GPC5: variants seen among roughly 807,000 people sequenced by gnomAD.
GPC5 encodes glypican-5.
Under a neutral mutation model 53.9 loss-of-function variants are expected in GPC5, and 47 were observed. That is an observed-to-expected ratio of 0.87 (90% CI 0.69 to 1.11). The LOEUF is 1.11. Among genes scored for constraint, GPC5 ranks in the 50% most tolerant of loss-of-function variants. The pLI is 0.00. For synonymous variants in GPC5, 286 were observed against 263.3 expected, an observed-to-expected ratio of 1.09 and a Z score of -0.84; for missense variants, 748 against 713.1, an observed-to-expected ratio of 1.05 and a Z score of -0.56.
chr13:92,506,746 T>C (rs937852233), intron 7 of GPC5, among the ~76,000 whole-genome samples: 1 of 152,210 alleles, frequency 6.6e-6, no homozygotes. Context: ...TTTGGAATCT[T>C]CTACCTTTGA....
At chr13:92,420,675 CTAT>C (rs1484850422) in intron 7 of GPC5, among the ~76,000 whole-genome samples, 1 of 152,084 alleles carries the variant, frequency 6.6e-6, no homozygotes, top group Non-Finnish European at 1.5e-5. Context: ...AACCATCCTT[CTAT>C]TTTCCATCTC....
chr13:91,672,710 G>T (rs111231894), intron 2 of GPC5, among the ~76,000 whole-genome samples: 1,766 of 152,282 alleles, frequency 0.012, 41 homozygotes, highest in African/African-American at 0.039. Context: ...AATACCATTT[G>T]CCCTAGCAAT....
intron 7 of GPC5, among the ~76,000 whole-genome samples, chr13:92,566,551 A>AT (rs1342187383): frequency 6.6e-6 from 1 of 152,070 alleles, no homozygotes; most frequent in African/African-American, 2.4e-5. Flanking sequence ...AGGCTAATGG[A>AT]TTTTAAGTCA....
intron 7 of GPC5, among the ~76,000 whole-genome samples, chr13:92,450,237 T>TC (rs1485683393): frequency 6.6e-6 from 1 of 152,170 alleles, no homozygotes; most frequent in Non-Finnish European, 1.5e-5. Context: ...GAAGTACAGG[T>TC]CGAGTATCCT....
At chr13:92,208,682 T>C (rs948357714) in intron 7 of GPC5, among the ~76,000 whole-genome samples, 16 of 152,216 alleles carry the variant, frequency 1.1e-4, no homozygotes, top group Non-Finnish European at 2.2e-4. Context: ...TTCATAAAGA[T>C]GAAAGGGTCG....
intron 7 of GPC5, among the ~76,000 whole-genome samples, chr13:92,217,493 C>T (rs189574547): frequency 6.6e-6 from 1 of 152,248 alleles, no homozygotes; most frequent in African/African-American, 2.4e-5. Context: ...CCAGAATCCC[C>T]CTTACTCCTG....
rs114013758 is a variant in GPC5, at chr13:91,478,056, G to A, written c.325+29134G>A. On this transcript the variant is annotated intron_variant, in intron 2 of 7. Transcript: ENST00000377067. ...GGAAAAAAAAACAGATTCATATTTAGATGATGTAATTCAGTGTTCAGAGAA... is the reference window on the plus strand; with the variant it reads ...GGAAAAAAAAACAGATTCATATTTAAATGATGTAATTCAGTGTTCAGAGAA... Among the ~76,000 whole-genome samples, 362 of 151,830 alleles carry A rather than the reference G, an allele frequency of 2.4e-3. 1 individual carries two copies. Among genetic ancestry groups the A allele is most frequent in the African/African-American group, 7.8e-3 (325 of 41,456 alleles).
intron 6 of GPC5, among the ~76,000 whole-genome samples, chr13:91,985,393 G>T (rs1215677733): frequency 6.8e-6 from 1 of 147,236 alleles, no homozygotes; most frequent in Non-Finnish European, 1.5e-5. Context: ...TTACTAGTGT[G>T]ACAATCTTTG....
chr13:91,542,850 A>ATT (rs3055888), intron 2 of GPC5, among the ~76,000 whole-genome samples: 915 of 68,204 alleles, frequency 0.013, 25 homozygotes, highest in African/African-American at 0.041. Context: ...TGCCCAGCCA[A>ATT]TTTTTTTTTT....
At position 91,593,911 on chromosome 13, in the gene GPC5, T is replaced by TA. The variant is rs200209278; in HGVS notation, c.326-99261dup. Among the ~76,000 whole-genome samples, 665 of 113,418 alleles carry TA rather than the reference T, an allele frequency of 5.9e-3. 4 individuals are homozygous for TA. The highest frequency in any genetic ancestry group is 0.014 in the African/African-American group (441 of 30,612). 74.4% of individuals were successfully genotyped at this position (113,418 alleles called of 152,430 possible). A position where few individuals can be genotyped will look rare whatever the true frequency, so the allele number is the denominator to read the frequency against. ...CAAGAAATGTGCTCTCACAAAGAAC[T>TA]AAAAAAAAAAAAAAAGAATGTTATT... On this transcript the variant is annotated intron_variant, in intron 2 of 7. Transcript: ENST00000377067.
intron 3 of GPC5, among the ~76,000 whole-genome samples, chr13:91,698,342 G>T (rs948081352): frequency 2.0e-5 from 3 of 152,090 alleles, no homozygotes; most frequent in Non-Finnish European, 4.4e-5. Context: ...ACGGTGAATT[G>T]TATAATATAT....
intron 1 of GPC5, among the ~76,000 whole-genome samples, chr13:91,423,878 A>T (rs555993063): frequency 1.5e-4 from 23 of 152,362 alleles, no homozygotes; most frequent in African/African-American, 4.6e-4. Flanking sequence ...AATTAGAGAT[A>T]AAAATAAAAG....
intron 5 of GPC5, among the ~76,000 whole-genome samples, chr13:91,775,891 T>A (rs2037703901): frequency 6.6e-6 from 1 of 152,194 alleles, no homozygotes; most frequent in African/African-American, 2.4e-5. Flanking sequence ...ACTCTACTTA[T>A]GGGAAGAATC....
At chr13:91,552,046 T>G (rs890318896) in intron 2 of GPC5, among the ~76,000 whole-genome samples, 15 of 152,120 alleles carry the variant, frequency 9.9e-5, no homozygotes, top group African/African-American at 3.6e-4. Flanking sequence ...CAGAATCTAA[T>G]TTTATTTTAC....
At chr13:91,478,496 A>G (rs1594140267) in intron 2 of GPC5, among the ~76,000 whole-genome samples, 4 of 151,904 alleles carry the variant, frequency 2.6e-5, no homozygotes, top group African/African-American at 7.2e-5. Flanking sequence ...TAGTTTTAGC[A>G]TCCAAAATTT....
chr13:91,743,796 G>A lies in GPC5; in HGVS notation c.1155-12499G>A, dbSNP rs546532989. ...AGGGCACACAGCTCCACCATGATCT[G>A]TAGAATCATGTGTAGCTTCTTTTGC... On this transcript the variant is annotated intron_variant, in intron 4 of 7. Transcript: ENST00000377067. Among the ~76,000 whole-genome samples the A allele has an allele frequency of 9.8e-5, 15 of 152,288 alleles. No individual in the cohort carries two copies. The South Asian group carries it at 2.7e-3, about 27-fold the overall frequency.
chr13:92,304,437 C>G (rs1348817704), intron 7 of GPC5, among the ~76,000 whole-genome samples: 1 of 152,022 alleles, frequency 6.6e-6, no homozygotes, highest in African/African-American at 2.4e-5. Flanking sequence ...ATCTCCTGAC[C>G]TTGTGATCCG....
At chr13:91,745,441 G>A (rs372025440) in intron 4 of GPC5, among the ~76,000 whole-genome samples, 1 of 151,180 alleles carries the variant, frequency 6.6e-6, no homozygotes, top group East Asian at 2.0e-4. Flanking sequence ...GGTCTCTAAG[G>A]AGCCCACTCT....
At chr13:92,158,208 C>T (rs965429374) in intron 7 of GPC5, among the ~76,000 whole-genome samples, 4 of 152,304 alleles carry the variant, frequency 2.6e-5, no homozygotes, top group Non-Finnish European at 5.9e-5. Context: ...TTGCACTCTT[C>T]CTGGAGCACC....
Sources: gnomAD v4.1 joint callset for allele counts (sites outside exome capture counted in the v4.1 genomes callset) on GRCh38, gnomAD v4.1.1 for gene constraint, MANE v1.5 for transcripts, NCBI Gene and HGNC (gene_info 2026-07-23, HGNC 2026-07-21) for gene names.